The following CRPPA variants were observed in gnomAD, a reference collection of about 807,000 sequenced individuals.
The protein encoded by CRPPA is CDP-L-ribitol pyrophosphorylase A.
In CRPPA, 43 loss-of-function variants were observed where a neutral mutation model predicts 52.0. The ratio of observed to expected loss-of-function variants is 0.83; its 90% CI spans 0.65 to 1.07. The LOEUF (loss-of-function observed/expected upper bound fraction) is 1.07, where lower values mean the gene tolerates loss of function less well. Among genes scored for constraint, CRPPA ranks in the 50% least tolerant of loss-of-function variants. The probability of loss-of-function intolerance (pLI) is 0.00; values close to 1 mark genes in which losing one functional copy is unlikely to be tolerated. For missense variants in CRPPA, 629 were observed against 551.7 expected (o/e 1.14, Z -1.40); for synonymous variants, 250 against 203.5 (o/e 1.23, Z -1.94).
intron 2 of CRPPA, among the ~76,000 whole-genome samples, chr7:16,377,180 T>C (rs1351218016): frequency 6.6e-6 from 1 of 152,022 alleles, no homozygotes; most frequent in Non-Finnish European, 1.5e-5. Context: ...TCAAAGCAAA[T>C]GTATGAGCCA....
chr7:16,161,416 G>T (rs1010900776), intron 9 of CRPPA, among the ~76,000 whole-genome samples: 1 of 152,078 alleles, frequency 6.6e-6, no homozygotes, highest in Non-Finnish European at 1.5e-5. Flanking sequence ...TTTGTCGAAG[G>T]CCTTTTCTGC....
At chr7:16,199,198 C>T (rs1408681655) in intron 9 of CRPPA, among the ~76,000 whole-genome samples, 2 of 152,014 alleles carry the variant, frequency 1.3e-5, no homozygotes, top group Admixed American at 6.6e-5. Context: ...ATTACAATCA[C>T]CTGGGGATTT....
chr7:16,158,464 A>G (rs1783234419), intron 9 of CRPPA, among the ~76,000 whole-genome samples: 1 of 152,122 alleles, frequency 6.6e-6, no homozygotes, highest in African/African-American at 2.4e-5. Context: ...ATAACTCAAG[A>G]TATTAGAAAA....
chr7:16,160,081 G>T (rs1023812687), intron 9 of CRPPA, among the ~76,000 whole-genome samples: 1 of 152,078 alleles, frequency 6.6e-6, no homozygotes, highest in African/African-American at 2.4e-5. Flanking sequence ...TTGTCAGATG[G>T]ATAGATTGCA....
At chr7:16,407,792 A>G (rs1787989561) in intron 1 of CRPPA, among the ~76,000 whole-genome samples, 1 of 152,110 alleles carries the variant, frequency 6.6e-6, no homozygotes, top group South Asian at 2.1e-4. Flanking sequence ...CATTTCTTTA[A>G]TATTTATTGA....
chr7:16,152,908 A>C (rs1316445937), intron 9 of CRPPA, among the ~76,000 whole-genome samples: 1 of 151,950 alleles, frequency 6.6e-6, no homozygotes, highest in African/African-American at 2.4e-5. Context: ...TCTAATGTAC[A>C]CTTCTTAGGG....
At chr7:16,378,722 C>T (rs1214706038) in intron 2 of CRPPA, among the ~76,000 whole-genome samples, 1 of 150,626 alleles carries the variant, frequency 6.6e-6, no homozygotes, top group East Asian at 2.0e-4. Flanking sequence ...TTTACAGTCC[C>T]ACCAACAGTG....
intron 3 of CRPPA, among the ~76,000 whole-genome samples, chr7:16,309,900 G>A (rs1321269790): frequency 6.6e-6 from 1 of 152,026 alleles, no homozygotes; most frequent in East Asian, 1.9e-4. Context: ...ATTATTTGAA[G>A]GAGATTCTCA....
chr7:16,090,293 A>G lies in CRPPA; in HGVS notation c.*1402T>C, dbSNP rs1048118505. On this transcript the variant is annotated 3_prime_UTR_variant, in exon 10 of 10. Transcript: ENST00000407010. ...AACACTAGAGGGAAAATCACCCAAC[A>G]TGTTAAATAAAAATTCCACAAGGTA... is the stretch of plus-strand genomic sequence containing the variant. 7 of 152,174 alleles carry G rather than the reference A, an allele frequency of 4.6e-5. No individual in the cohort carries two copies. The highest frequency in any genetic ancestry group is 1.4e-4 in the African/African-American group (6 of 41,442). The allele number at this position is 152,174 out of a possible 1,614,324, so 9.4% of individuals were successfully genotyped here.
chr7:16,127,452 G>A (rs1261894242), intron 9 of CRPPA, among the ~76,000 whole-genome samples: 2 of 151,886 alleles, frequency 1.3e-5, no homozygotes, highest in Admixed American at 1.3e-4. Flanking sequence ...AGTACTAATA[G>A]AGTATAATAA....
At chr7:16,394,609 T>C (rs1434527778) in intron 2 of CRPPA, among the ~76,000 whole-genome samples, 1 of 152,148 alleles carries the variant, frequency 6.6e-6, no homozygotes, top group Non-Finnish European at 1.5e-5. Context: ...AAATTCAGAA[T>C]GTGTATTCAT....
chr7:16,189,992 G>C (rs1381813109), intron 9 of CRPPA, among the ~76,000 whole-genome samples: 2 of 152,110 alleles, frequency 1.3e-5, no homozygotes, highest in Non-Finnish European at 2.9e-5. Flanking sequence ...GATAATAGTA[G>C]AGGGACATTT....
At chr7:16,162,666 G>T (rs1011760909) in intron 9 of CRPPA, among the ~76,000 whole-genome samples, 11 of 152,164 alleles carry the variant, frequency 7.2e-5, no homozygotes, top group African/African-American at 2.7e-4. Flanking sequence ...GACTTGGGGT[G>T]CAGAGTTCTT....
At chr7:16,162,863 G>A (rs1360142498) in intron 9 of CRPPA, among the ~76,000 whole-genome samples, 10 of 151,602 alleles carry the variant, frequency 6.6e-5, no homozygotes, top group Admixed American at 2.6e-4. Context: ...GGGTGCTCCT[G>A]TATTGGGTGC....
At chr7:16,210,236 C>T (rs1226129411) in intron 9 of CRPPA, among the ~76,000 whole-genome samples, 1 of 152,064 alleles carries the variant, frequency 6.6e-6, no homozygotes, top group Non-Finnish European at 1.5e-5. Context: ...CTATAAATCC[C>T]TTAATCTTAA....
intron 3 of CRPPA, among the ~76,000 whole-genome samples, chr7:16,309,850 C>T (rs887343175): frequency 1.3e-5 from 2 of 152,220 alleles, no homozygotes; most frequent in Admixed American, 6.5e-5. Context: ...CATGTGCAGT[C>T]TCCTCTCTTG....
Position 16,185,961 on chromosome 7 carries a change from C to A in CRPPA, c.1251+30105G>T, listed in dbSNP as rs138693288. 6.7e-3 allele frequency among the ~76,000 whole-genome samples: 1,015 copies of A among 152,254 alleles called. 13 individuals carry two copies. Among genetic ancestry groups the A allele is most frequent in the African/African-American group, 0.023 (972 of 41,550 alleles). On this transcript the variant is annotated intron_variant, in intron 9 of 9. Coordinates refer to ENST00000407010, the MANE Select transcript of CRPPA (RefSeq NM_001101426.4). The stretch of plus-strand genomic sequence containing the variant: ...AGCATGACTGTACATATTCACACAT[C>A]TTAATGTTCAGAGCAGTACCAATAG...
At chr7:16,326,839 T>C (rs1785404413) in intron 3 of CRPPA, among the ~76,000 whole-genome samples, 2 of 152,094 alleles carry the variant, frequency 1.3e-5, no homozygotes, top group Admixed American at 1.3e-4. Context: ...CCTTCCCTGA[T>C]ATAATTCCAA....
chr7:16,096,338 A>C (rs1781934579), intron 9 of CRPPA, among the ~76,000 whole-genome samples: 1 of 152,160 alleles, frequency 6.6e-6, no homozygotes, highest in African/African-American at 2.4e-5. Context: ...GAAATGAGAC[A>C]TACATTGGAA....
Sources: gnomAD v4.1 joint callset for allele counts (sites outside exome capture counted in the v4.1 genomes callset) on GRCh38, gnomAD v4.1.1 for gene constraint, MANE v1.5 for transcripts, NCBI Gene and HGNC (gene_info 2026-07-23, HGNC 2026-07-21) for gene names.